The following RPL35 variants were observed in gnomAD, a reference collection of about 807,000 sequenced individuals.
The protein encoded by RPL35 is large ribosomal subunit protein uL29.
In RPL35, 2 loss-of-function variants were observed where a neutral mutation model predicts 15.6. That is an observed-to-expected ratio of 0.13 (90% CI 0.05 to 0.40). The LOEUF (loss-of-function observed/expected upper bound fraction) is 0.40, where lower values mean the gene tolerates loss of function less well. Among genes scored for constraint, RPL35 ranks in the 10% least tolerant of loss-of-function variants. The pLI, the probability that RPL35 is intolerant of heterozygous loss-of-function variation, is 0.99. For missense variants in RPL35, 111 were observed against 164.7 expected, an observed-to-expected ratio of 0.67 and a Z score of 1.79; for synonymous variants, 93 against 67.9, an observed-to-expected ratio of 1.37 and a Z score of -1.82.
intron 3 of RPL35, chr9:124,858,500 A>C (rs1444444686): frequency 2.8e-6 from 2 of 716,738 alleles, no homozygotes; most frequent in South Asian, 3.0e-5. Flanking sequence ...CTGAGGCAGT[A>C]CTCTGTCCAT....
Position 124,861,083 on chromosome 9 carries a change from A to G in RPL35, c.140+336T>C, listed in dbSNP as rs1041367366. Reference sequence around the variant, plus strand: ...TCACAAGTCTCCCGCACTCTTAGCCATGTAAAATAACTTACGCTGCCACTC... The same window carrying G: ...TCACAAGTCTCCCGCACTCTTAGCCGTGTAAAATAACTTACGCTGCCACTC... On this transcript the variant is annotated intron_variant, in intron 2 of 3. Transcript: ENST00000348462. The G allele has an allele frequency of 1.1e-4, 31 of 273,428 alleles. 1 individual carries two copies. The highest frequency in any genetic ancestry group is 3.6e-4 in the Admixed American group (7 of 19,540). 16.9% of individuals were successfully genotyped at this position (273,428 alleles called of 1,614,324 possible). A position where few individuals can be genotyped will look rare whatever the true frequency, so the allele number is the denominator to read the frequency against.
rs112551387 is a variant in RPL35, at chr9:124,861,301, A to G, written c.140+118T>C. 30 of 1,294,692 alleles carry G rather than the reference A, an allele frequency of 2.3e-5. 2 individuals are homozygous for G. The highest frequency in any genetic ancestry group is 1.8e-4 in the African/African-American group (12 of 67,918). 80.2% of individuals were successfully genotyped at this position (1,294,692 alleles called of 1,614,324 possible). A position where few individuals can be genotyped will look rare whatever the true frequency, so the allele number is the denominator to read the frequency against. The stretch of plus-strand genomic sequence containing the variant: ...CAACGGGTCTCCCATGCGCGCCAGG[A>G]TGCACGGAGTGGGCATCTAAGCGGC... On this transcript the variant is annotated intron_variant, in intron 2 of 3. Coordinates refer to ENST00000348462, the MANE Select transcript of RPL35 (RefSeq NM_007209.4).
At chr9:124,860,121 G>A in intron 3 of RPL35, 62 bp downstream of exon 3, 1 of 1,240,438 alleles carries the variant, frequency 8.1e-7, no homozygotes, top group Non-Finnish European at 1.2e-6. Flanking sequence ...CATGTCCCCG[G>A]CCAGGGACGG....
At chr9:124,861,615 G>GT (rs970428904) in intron 1 of RPL35, 60 bp from the exon 2 acceptor site, 2 of 1,585,958 alleles carry the variant, frequency 1.3e-6, no homozygotes, top group Non-Finnish European at 1.7e-6. Flanking sequence ...CTTCACCTGC[G>GT]TGGCCAGCCC....
chr9:124,858,262 G>GT (rs1829138588), intron 3 of RPL35, 195 bp from the exon 4 acceptor site: 1 of 623,646 alleles, frequency 1.6e-6, no homozygotes. Flanking sequence ...CTCATTTCAT[G>GT]TAAGTCTGCT....
intron 3 of RPL35, 120 bp from the exon 4 acceptor site, chr9:124,858,187 G>A (rs1363275175): frequency 1.3e-5 from 11 of 824,788 alleles, no homozygotes; most frequent in Non-Finnish European, 5.2e-6. Context: ...CCATGGGACT[G>A]CCAGCAGGCC....
chr9:124,858,076 C>T lies in RPL35; in HGVS notation c.223-9G>A. The T allele has an allele frequency of 1.9e-6, 3 of 1,611,442 alleles. No homozygotes were observed. The highest frequency in any genetic ancestry group is 2.5e-6 in the Non-Finnish European group (3 of 1,179,574). On this transcript the variant is annotated splice_polypyrimidine_tract_variant and intron_variant, in intron 3 of 3. Transcript: ENST00000348462. ...GGCTTGTACTTCTTGCCCTGGGAGACAGACGGCAGGGTGAATCCAAGGACC... is the reference window on the plus strand; with the variant it reads ...GGCTTGTACTTCTTGCCCTGGGAGATAGACGGCAGGGTGAATCCAAGGACC...
chr9:124,858,386 C>T (rs755156595), intron 3 of RPL35: 13 of 657,382 alleles, frequency 2.0e-5, no homozygotes, highest in African/African-American at 7.2e-5. Flanking sequence ...TTCCCAGTCA[C>T]GAGGACAGTC....
rs1223747412 is a variant in RPL35, at chr9:124,858,018, A to G, written c.272T>C (p.Met91Thr). The G allele has an allele frequency of 6.2e-7, 1 of 1,612,338 alleles. No individual in the cohort carries two copies. The highest frequency in any genetic ancestry group is 2.2e-5 in the East Asian group (1 of 44,878). Residue 91 changes from methionine (M) to threonine (T), a missense_variant, in exon 4 of 4, where the codon ATG (methionine) becomes ACG (threonine). Transcript: ENST00000348462. ...LDLRPKKTRA[M>T]RRRLNKHEEN... is the part of the protein sequence containing the mutation. ...CTCGTGCTTGTTGAGCCGGCGGCGC[A>G]TGGCACGTGTCTTCTTAGGCCGCAG...
In RPL35 at chr9:124,860,718, G is replaced by T. The variant is rs147859577; in HGVS notation, c.141-454C>A. ...GAGAAGTTATTTGTAGTCATGTCAG[G>T]ATGAGGGAGTCACCTAGTAGACAGC... On this transcript the variant is annotated intron_variant, in intron 2 of 3. Transcript: ENST00000348462. 2.2e-3 allele frequency among the ~76,000 whole-genome samples: 330 copies of T among 152,322 alleles called. 2 individuals are homozygous for T. The highest frequency in any genetic ancestry group is 0.011 in the South Asian group (54 of 4,818).
chr9:124,858,766 G>A (rs1829150658), intron 3 of RPL35, among the ~76,000 whole-genome samples: 1 of 152,194 alleles, frequency 6.6e-6, no homozygotes, highest in African/African-American at 2.4e-5. Context: ...TTCAGGACTG[G>A]GCCCTGTGCT....
At chr9:124,858,516 T>C in intron 3 of RPL35, 2 of 716,220 alleles carry the variant, frequency 2.8e-6, no homozygotes, top group South Asian at 1.5e-5. Flanking sequence ...TCCATCTGTA[T>C]GCAGGGCCCA....
At position 124,857,943 on chromosome 9, in the gene RPL35, A is replaced by G; in HGVS notation, c.347T>C (p.Leu116Pro). ...KQQRKERLYPLRKYAVKA is the reference protein window; with the variant it reads ...KQQRKERLYPPRKYAVKA ...TCAGGCCTTGACCGCGTACTTCCGC[A>G]GCGGGTACAGCCGCTCCTTCCGCTG... Residue 116 changes from leucine to proline, a missense_variant, in exon 4 of 4, where the codon CTG becomes CCG. Leu to Pro is a moderately conservative substitution (Grantham distance 98). Transcript: ENST00000348462. 6.2e-7 allele frequency: 1 copy of G among 1,612,244 alleles called. No homozygotes were observed. Among genetic ancestry groups the G allele is most frequent in the South Asian group, 1.1e-5 (1 of 91,004 alleles).
chr9:124,860,042 G>C, intron 3 of RPL35, 141 bp downstream of exon 3: 1 of 676,016 alleles, frequency 1.5e-6, no homozygotes, highest in South Asian at 1.7e-5. Flanking sequence ...ACTGGTAGAA[G>C]AGTGAGCCCA....
At position 124,861,077 on chromosome 9, in the gene RPL35, T is replaced by G. The variant is rs558473682; in HGVS notation, c.140+342A>C. 6 of 261,746 alleles carry G rather than the reference T, an allele frequency of 2.3e-5. No individual in the cohort carries two copies. The East Asian group carries it at 5.5e-4, about 24-fold the overall frequency. The allele number at this position is 261,746 out of a possible 1,614,324, so 16.2% of individuals were successfully genotyped here. A position where few individuals can be genotyped will look rare whatever the true frequency, so the allele number is the denominator to read the frequency against. On this transcript the variant is annotated intron_variant, in intron 2 of 3. Transcript: ENST00000348462. ...TTCCTTTCACAAGTCTCCCGCACTCTTAGCCATGTAAAATAACTTACGCTG... is the reference window on the plus strand; with the variant it reads ...TTCCTTTCACAAGTCTCCCGCACTCGTAGCCATGTAAAATAACTTACGCTG...
chr9:124,860,713 G>A (rs150777267), intron 2 of RPL35, among the ~76,000 whole-genome samples: 2 of 152,348 alleles, frequency 1.3e-5, no homozygotes, highest in Non-Finnish European at 2.9e-5. Flanking sequence ...TTGTAGTCAT[G>A]TCAGGATGAG....
intron 1 of RPL35, 57 bp from the exon 2 acceptor site, chr9:124,861,612 T>G: frequency 6.3e-7 from 1 of 1,587,934 alleles, no homozygotes; most frequent in East Asian, 2.2e-5. Flanking sequence ...CCCCTTCACC[T>G]GCGTGGCCAG....
At position 124,861,907 on chromosome 9, in the gene RPL35, C is replaced by T. The variant is rs369949861; in HGVS notation, c.3+3G>A. On this transcript the variant is annotated splice_donor_region_variant and intron_variant, in intron 1 of 3. Transcript: ENST00000348462. ...GGATGGCGCCCGATTCCGCAGCTCT[C>T]ACCATTGCTGCACAAGCCGCCAACG... 7.5e-6 allele frequency: 12 copies of T among 1,603,230 alleles called. No individual in the cohort carries two copies. The highest frequency in any genetic ancestry group is 3.4e-5 in the Admixed American group (2 of 58,918).
intron 1 of RPL35, 26 bp from the exon 2 acceptor site, chr9:124,861,581 A>T: frequency 6.2e-7 from 1 of 1,611,278 alleles, no homozygotes; most frequent in Non-Finnish European, 8.5e-7. Flanking sequence ...AGTGTGCCTC[A>T]GCCAGGCCGC....
Sources: allele counts gnomAD v4.1 joint callset (sites outside exome capture counted in the v4.1 genomes callset), GRCh38; gene constraint gnomAD v4.1.1; transcripts MANE v1.5; gene names NCBI Gene and HGNC (gene_info 2026-07-23, HGNC 2026-07-21).